Variants in CMTR1 observed in about 807,000 individuals in gnomAD.
CMTR1 encodes cap methyltransferase 1, also known as cap-specific mRNA (nucleoside-2'-O-)-methyltransferase 1.
In CMTR1, 39 loss-of-function variants were observed where a neutral mutation model predicts 107.0. The observed-to-expected ratio is 0.36, with a 90% CI of 0.28 to 0.48. The LOEUF is 0.48. Ranked by LOEUF, CMTR1 falls within the 20% of genes least tolerant of loss-of-function variation. The pLI, the probability that CMTR1 is intolerant of heterozygous loss-of-function variation, is 0.99. For missense variants in CMTR1, 672 were observed against 1,064.9 expected, an observed-to-expected ratio of 0.63 and a Z score of 5.14; for synonymous variants, 366 against 379.5, an observed-to-expected ratio of 0.96 and a Z score of 0.41.
In CMTR1 at chr6:37,435,629, G is replaced by T; in HGVS notation, c.-1G>T. The T allele has an allele frequency of 6.3e-7, 1 of 1,595,566 alleles. No homozygotes were observed. Among genetic ancestry groups the T allele is most frequent in the Non-Finnish European group, 8.5e-7 (1 of 1,172,626 alleles). ...GACTGGATTTATGGTTACAGTTAACGATGAAGAGGAGAACTGACCCAGAAT... is the reference window on the plus strand; with the variant it reads ...GACTGGATTTATGGTTACAGTTAACTATGAAGAGGAGAACTGACCCAGAAT... On this transcript the variant is annotated 5_prime_UTR_variant, in exon 2 of 24. Transcript: ENST00000373451.
intron 14 of CMTR1, 90 bp downstream of exon 14, chr6:37,471,167 C>A: frequency 2.5e-6 from 3 of 1,223,818 alleles, no homozygotes; most frequent in Admixed American, 2.4e-5. Context: ...TTCATTTCAA[C>A]AAACATTTTA....
At chr6:37,465,371 C>T (rs897078003) in intron 13 of CMTR1, among the ~76,000 whole-genome samples, 2 of 152,030 alleles carry the variant, frequency 1.3e-5, no homozygotes, top group Non-Finnish European at 2.9e-5. Flanking sequence ...TCTTTGTCAG[C>T]ATTTGGTATT....
intron 21 of CMTR1, 118 bp downstream of exon 21, chr6:37,477,757 A>G (rs895815682): frequency 2.9e-6 from 2 of 696,046 alleles, no homozygotes; most frequent in Non-Finnish European, 5.3e-6. Context: ...AGCTGCCTCC[A>G]GCGGTCCCCT....
intron 18 of CMTR1, among the ~76,000 whole-genome samples, chr6:37,475,035 A>C (rs1345969581): frequency 2.0e-5 from 3 of 152,214 alleles, no homozygotes; most frequent in Non-Finnish European, 1.5e-5. Context: ...AGCAACTGGC[A>C]AGGGGGGTAA....
intron 4 of CMTR1, among the ~76,000 whole-genome samples, chr6:37,449,271 T>TTGTTATGTTATGTTATGTTA (rs71542111): frequency 0.045 from 6,544 of 145,322 alleles, 196 homozygotes; most frequent in Admixed American, 0.059. Flanking sequence ...ATTTTATGTT[T>TTGTTATGTTATGTTATGTTA]TGTTATGTTA....
chr6:37,461,481 G>A, intron 10 of CMTR1, 68 bp from the exon 11 acceptor site: 1 of 794,632 alleles, frequency 1.3e-6, no homozygotes, highest in Non-Finnish European at 2.1e-6. Flanking sequence ...ATGAAGATGA[G>A]GTAGTGATGT....
At chr6:37,448,242 T>C (rs1280003729) in intron 4 of CMTR1, among the ~76,000 whole-genome samples, 3 of 147,300 alleles carry the variant, frequency 2.0e-5, no homozygotes, top group Admixed American at 6.8e-5. Flanking sequence ...AGGTCAAGTG[T>C]CAGTTGGCAG....
At chr6:37,465,008 G>T (rs1004771753) in intron 13 of CMTR1, among the ~76,000 whole-genome samples, 1 of 150,678 alleles carries the variant, frequency 6.6e-6, no homozygotes, top group East Asian at 1.9e-4. Flanking sequence ...GGTGGCTCAC[G>T]CCTGTAATCC....
chr6:37,435,182 AAC>A (rs1771500680), intron 1 of CMTR1, among the ~76,000 whole-genome samples: 1 of 152,220 alleles, frequency 6.6e-6, no homozygotes, highest in Non-Finnish European at 1.5e-5. Context: ...ATGCTGATGA[AAC>A]AGTCATTCTG....
intron 3 of CMTR1, 34 bp downstream of exon 3, chr6:37,444,184 C>G (rs751061936): frequency 6.3e-7 from 1 of 1,596,882 alleles, no homozygotes; most frequent in Non-Finnish European, 8.5e-7. Context: ...TTCTCAAGCC[C>G]CACCAGCAGA....
At chr6:37,441,701 C>T (rs890144288) in intron 2 of CMTR1, among the ~76,000 whole-genome samples, 1 of 152,192 alleles carries the variant, frequency 6.6e-6, no homozygotes, top group Non-Finnish European at 1.5e-5. Flanking sequence ...TGTGAGCTAC[C>T]GTGCCTGGAC....
At chr6:37,441,961 A>G (rs1444642261) in intron 2 of CMTR1, among the ~76,000 whole-genome samples, 1 of 152,244 alleles carries the variant, frequency 6.6e-6, no homozygotes, top group Non-Finnish European at 1.5e-5. Context: ...CCTCTCATAC[A>G]GGGACATTCT....
At chr6:37,479,842 T>C (rs557514112) in intron 23 of CMTR1, among the ~76,000 whole-genome samples, 171 bp from the exon 24 acceptor site, 1 of 152,318 alleles carries the variant, frequency 6.6e-6, no homozygotes, top group Admixed American at 6.5e-5. Flanking sequence ...TTGGGAAAAG[T>C]TGGTTCTGGG....
At chr6:37,426,963 T>C in the CMTR1 span, among the ~76,000 whole-genome samples, 1 of 152,122 alleles carries the variant, frequency 6.6e-6, no homozygotes, top group Non-Finnish European at 1.5e-5. Context: ...TATACCTCTG[T>C]GATAAGAAGC....
chr6:37,445,799 C>T (rs1186503428), intron 3 of CMTR1, among the ~76,000 whole-genome samples: 2 of 152,074 alleles, frequency 1.3e-5, no homozygotes, highest in African/African-American at 4.8e-5. Context: ...GGTCCCATAC[C>T]TCACTTTTAC....
rs189329934 is a variant in CMTR1, at chr6:37,472,027, G to A, written c.1620+123G>A. 7.2e-6 allele frequency: 6 copies of A among 832,546 alleles called. No homozygotes were observed. The highest frequency in any genetic ancestry group is 1.7e-5 in the African/African-American group (1 of 58,762). The allele number at this position is 832,546 out of a possible 1,614,324, so 51.6% of individuals were successfully genotyped here. Reference sequence around the variant, plus strand: ...TCCAAAAATATCTGCTACCCTCACAGCATCCCAGAGGTTGACATCTCGGCA... The same window carrying A: ...TCCAAAAATATCTGCTACCCTCACAACATCCCAGAGGTTGACATCTCGGCA... On this transcript the variant is annotated intron_variant, in intron 15 of 23. Coordinates refer to ENST00000373451, the MANE Select transcript of CMTR1 (RefSeq NM_015050.3). The surrounding 1 kb of genome is among the most constrained non-coding windows in gnomAD (Gnocchi z 4.1).
At chr6:37,437,008 C>T (rs969893310) in intron 2 of CMTR1, among the ~76,000 whole-genome samples, 24 of 152,076 alleles carry the variant, frequency 1.6e-4, no homozygotes, top group Admixed American at 3.3e-4. Flanking sequence ...GAAGCTGGTC[C>T]AGAGAGAAGC....
chr6:37,427,709 T>C, the CMTR1 span, among the ~76,000 whole-genome samples: 3 of 152,272 alleles, frequency 2.0e-5, no homozygotes, highest in African/African-American at 7.2e-5. This position sits in a 1 kb window ranked among gnomAD's most constrained non-coding sequence, Gnocchi z 4.4. Flanking sequence ...AGTTTTACTC[T>C]GCTATCATTT....
At chr6:37,463,874 A>G (rs1438073328) in intron 13 of CMTR1, among the ~76,000 whole-genome samples, 1 of 152,214 alleles carries the variant, frequency 6.6e-6, no homozygotes, top group Non-Finnish European at 1.5e-5. Context: ...GCAGACAGTA[A>G]ACTTCAGCAT....
Sources: gnomAD v4.1 joint callset for allele counts (sites outside exome capture counted in the v4.1 genomes callset) on GRCh38, gnomAD v4.1.1 for gene constraint, Gnocchi (gnomAD v3.1) non-coding constraint, MANE v1.5 for transcripts, NCBI Gene and HGNC (gene_info 2026-07-23, HGNC 2026-07-21) for gene names.